Variants in CCDC171 observed in about 807,000 individuals in gnomAD.
CCDC171 encodes coiled-coil domain-containing protein 171.
CCDC171 carries 177 observed loss-of-function variants against 168.2 expected under a neutral mutation model. The observed-to-expected ratio is 1.05, with a 90% confidence interval of 0.93 to 1.19. CCDC171 has a LOEUF of 1.19. CCDC171 is among the 50% of genes most tolerant of loss of function. The pLI, the probability that CCDC171 is intolerant of heterozygous loss-of-function variation, is 0.00. For missense variants in CCDC171, 1,991 were observed against 1,539.0 expected (o/e 1.29, Z -4.91); for synonymous variants, 687 against 540.8 (o/e 1.27, Z -3.75).
At chr9:15,589,360 C>T (rs1021995643) in intron 4 of CCDC171, among the ~76,000 whole-genome samples, 3 of 152,178 alleles carry the variant, frequency 2.0e-5, no homozygotes, top group South Asian at 2.1e-4. Context: ...CTGGACTTTC[C>T]AATGACACCA....
rs530784759 is a variant in CCDC171 at position 15,811,027 on chromosome 9, T to C, written c.3267+26333T>C. On this transcript the variant is annotated intron_variant, in intron 21 of 25. Coordinates refer to ENST00000380701, the MANE Select transcript of CCDC171 (RefSeq NM_173550.4). ...AACTGTCATATCAGCAGCATAAATA[T>C]AGAAAATGTTTATCATTACAGAAAA... Among the ~76,000 whole-genome samples, 412 of 152,322 alleles carry C rather than the reference T, an allele frequency of 2.7e-3. 2 individuals are homozygous for C. Among genetic ancestry groups the C allele is most frequent in the African/African-American group, 9.2e-3 (383 of 41,570 alleles).
intron 25 of CCDC171, among the ~76,000 whole-genome samples, chr9:15,952,571 A>T (rs1829320511): frequency 6.6e-6 from 1 of 151,858 alleles, no homozygotes; most frequent in South Asian, 2.1e-4. Context: ...CTAATTTTGT[A>T]CTTTTAGTAG....
At chr9:16,076,476 C>A in the CCDC171 span, among the ~76,000 whole-genome samples, 3 of 152,188 alleles carry the variant, frequency 2.0e-5, no homozygotes, top group Non-Finnish European at 2.9e-5. Flanking sequence ...GGCTTGCTTT[C>A]ATCTTTCAGA....
intron 4 of CCDC171, among the ~76,000 whole-genome samples, chr9:15,590,364 C>G (rs570222848): frequency 2.0e-4 from 31 of 152,186 alleles, no homozygotes; most frequent in Non-Finnish European, 4.0e-4. Context: ...AACATTTCCT[C>G]ATTTTATCTT....
chr9:15,582,463 A>T (rs934991390), intron 4 of CCDC171, among the ~76,000 whole-genome samples: 2 of 152,228 alleles, frequency 1.3e-5, no homozygotes, highest in African/African-American at 4.8e-5. Context: ...TCATGCTGCT[A>T]TAAAGACACA....
At chr9:16,055,551 G>A (rs562954195) in intron 1 of CCDC171, among the ~76,000 whole-genome samples, 16 of 152,342 alleles carry the variant, frequency 1.1e-4, no homozygotes, top group South Asian at 1.0e-3. Context: ...CAGCAACGCC[G>A]CTGGGCCCTG....
chr9:15,899,623 T>A (rs1589045240), intron 24 of CCDC171, among the ~76,000 whole-genome samples: 1 of 152,206 alleles, frequency 6.6e-6, no homozygotes, highest in African/African-American at 2.4e-5. Flanking sequence ...CTGTTTGCTA[T>A]TTGTATATTC....
Position 15,634,156 on chromosome 9 carries a change from C to A in CCDC171, c.822+10743C>A, listed in dbSNP as rs183498885. Among the ~76,000 whole-genome samples the A allele has an allele frequency of 2.1e-3, 317 of 151,636 alleles. 2 individuals are homozygous for A. Among genetic ancestry groups the A allele is most frequent in the African/African-American group, 7.2e-3 (298 of 41,294 alleles). The stretch of plus-strand genomic sequence containing the variant: ...TAACCTGCATATTGTGTACATGTAC[C>A]CTAAAACTTAAAGTATAATAATAAA... On this transcript the variant is annotated intron_variant, in intron 7 of 25. Transcript: ENST00000380701.
intron 23 of CCDC171, among the ~76,000 whole-genome samples, chr9:15,849,600 T>C (rs2061042586): frequency 6.6e-6 from 1 of 151,768 alleles, no homozygotes; most frequent in South Asian, 2.1e-4. Flanking sequence ...CCACTCTGCA[T>C]TGAAAGATGT....
At chr9:15,948,982 C>T (rs1807503021) in intron 25 of CCDC171, among the ~76,000 whole-genome samples, 2 of 152,276 alleles carry the variant, frequency 1.3e-5, no homozygotes, top group South Asian at 4.1e-4. Context: ...TTTAATCCAT[C>T]TCGAATTGAT....
intron 21 of CCDC171, among the ~76,000 whole-genome samples, chr9:15,791,404 A>T (rs914880989): frequency 5.3e-5 from 8 of 151,856 alleles, no homozygotes; most frequent in African/African-American, 1.7e-4. Flanking sequence ...TGTTTTTCTT[A>T]TTGGTGTATA....
intron 11 of CCDC171, among the ~76,000 whole-genome samples, chr9:15,708,986 A>G (rs976068976): frequency 6.6e-6 from 1 of 152,140 alleles, no homozygotes; most frequent in Non-Finnish European, 1.5e-5. Flanking sequence ...AAAATTAAGG[A>G]AAACTAAATA....
At chr9:15,618,980 C>T (rs1250536802) in intron 6 of CCDC171, among the ~76,000 whole-genome samples, 2 of 152,216 alleles carry the variant, frequency 1.3e-5, no homozygotes, top group East Asian at 1.9e-4. Flanking sequence ...CCGCCCTGTC[C>T]AGTGGTCTTT....
chr9:16,025,472 CA>C (rs1833259378), intron 6 of CCDC171, among the ~76,000 whole-genome samples: 1 of 151,940 alleles, frequency 6.6e-6, no homozygotes, highest in South Asian at 2.1e-4. Flanking sequence ...AACAAACAAA[CA>C]AACAAAAAAA....
At chr9:16,064,397 G>A (rs1006921773), downstream of CCDC171, among the ~76,000 whole-genome samples, 1 of 152,144 alleles carries the variant, frequency 6.6e-6, no homozygotes, top group African/African-American at 2.4e-5. Flanking sequence ...GCAGATAGAG[G>A]TGTGGGGAGA....
intron 25 of CCDC171, among the ~76,000 whole-genome samples, chr9:15,947,032 C>A (rs1373068792): frequency 6.6e-6 from 1 of 151,860 alleles, no homozygotes; most frequent in African/African-American, 2.4e-5. Flanking sequence ...AATAAAATTA[C>A]ATTCATTTAG....
intron 4 of CCDC171, among the ~76,000 whole-genome samples, chr9:15,588,171 G>C (rs140640094): frequency 0.012 from 1,819 of 152,262 alleles, 134 homozygotes; most frequent in Admixed American, 0.11. Flanking sequence ...GGCGGCAGAG[G>C]TTGCAGTGAG....
chr9:15,653,425 A>C (rs1228697464), intron 7 of CCDC171, among the ~76,000 whole-genome samples: 1 of 152,044 alleles, frequency 6.6e-6, no homozygotes, highest in African/African-American at 2.4e-5. Flanking sequence ...TACAAGTGTG[A>C]GCCACTGTGC....
chr9:15,640,591 C>T (rs990789990), intron 7 of CCDC171, among the ~76,000 whole-genome samples: 1 of 152,072 alleles, frequency 6.6e-6, no homozygotes, highest in Non-Finnish European at 1.5e-5. Flanking sequence ...TAAATACACT[C>T]TGTCATGTAG....
Sources: allele counts gnomAD v4.1 joint callset (sites outside exome capture counted in the v4.1 genomes callset), GRCh38; gene constraint gnomAD v4.1.1; transcripts MANE v1.5; gene names NCBI Gene and HGNC (gene_info 2026-07-23, HGNC 2026-07-21).